The following SOX6 variants were observed in gnomAD, a reference collection of about 807,000 sequenced individuals.
SOX6 encodes the protein SRY-box transcription factor 6.
Under a neutral mutation model 97.8 loss-of-function variants are expected in SOX6, and 11 were observed. The observed-to-expected ratio is 0.11, with a 90% CI of 0.07 to 0.19. The LOEUF (loss-of-function observed/expected upper bound fraction) is 0.19. Among genes scored for constraint, SOX6 ranks in the 10% least tolerant of loss-of-function variants. The pLI, the probability that SOX6 is intolerant of heterozygous loss-of-function variation, is 1.00. For missense variants in SOX6, 810 were observed against 1,039.5 expected (o/e 0.78, Z 3.04); for synonymous variants, 360 against 371.4 (o/e 0.97, Z 0.35).
At chr11:16,206,654 C>T (rs1384014171) in intron 4 of SOX6, among the ~76,000 whole-genome samples, 1 of 152,110 alleles carries the variant, frequency 6.6e-6, no homozygotes, top group Admixed American at 6.5e-5. Context: ...CAGTTGCCTT[C>T]ACATAGTGAG....
At chr11:16,656,045 GA>G (rs2134016594) in intron 3 of SOX6, among the ~76,000 whole-genome samples, 1 of 151,646 alleles carries the variant, frequency 6.6e-6, no homozygotes, top group East Asian at 1.9e-4. Context: ...TGGCATCCAG[GA>G]AAATATATTA....
intron 4 of SOX6, among the ~76,000 whole-genome samples, chr11:16,205,977 T>C (rs1239601444): frequency 6.6e-6 from 1 of 152,162 alleles, no homozygotes; most frequent in African/African-American, 2.4e-5. Context: ...CTCTGCAATA[T>C]TAAAAATGTA....
intron 6 of SOX6, among the ~76,000 whole-genome samples, chr11:16,143,998 G>A (rs553249822): frequency 4.3e-4 from 65 of 152,092 alleles, no homozygotes; most frequent in East Asian, 1.4e-3. Context: ...TGCACCAGGC[G>A]GACCTAATAG....
intron 3 of SOX6, among the ~76,000 whole-genome samples, chr11:16,699,580 T>C (rs1001179557): frequency 1.3e-5 from 2 of 152,166 alleles, no homozygotes; most frequent in African/African-American, 4.8e-5. Context: ...TAATATACAG[T>C]TTATAAATTT....
At chr11:16,733,411 G>A (rs926335302) in intron 2 of SOX6, among the ~76,000 whole-genome samples, 1 of 152,100 alleles carries the variant, frequency 6.6e-6, no homozygotes, top group Admixed American at 6.5e-5. Flanking sequence ...AAAAGGATGA[G>A]TTCAGGTCCT....
At position 15,971,825 on chromosome 11, in the gene SOX6, A is replaced by G. The variant is rs1853322973; in HGVS notation, c.*984T>C. The G allele has an allele frequency of 1.3e-5, 2 of 152,648 alleles. No homozygotes were observed. Among genetic ancestry groups the G allele is most frequent in the African/African-American group, 2.4e-5 (1 of 41,438 alleles). 9.5% of individuals were successfully genotyped at this position (152,648 alleles called of 1,614,324 possible). On this transcript the variant is annotated 3_prime_UTR_variant, in exon 16 of 16. Coordinates refer to ENST00000683767, the MANE Select transcript of SOX6 (RefSeq NM_001367873.1). ...ATTAATGCCACCAACAATTGAAAAA[A>G]AATAAATAGCAAGTGGACCCTTGAC...
At chr11:16,560,750 C>T (rs1409020967) in intron 4 of SOX6, among the ~76,000 whole-genome samples, 11 of 152,102 alleles carry the variant, frequency 7.2e-5, no homozygotes, top group Admixed American at 7.2e-4. Context: ...AGGAAACAAT[C>T]TACCTACAAC....
chr11:15,998,633 T>G (rs1411880569), intron 13 of SOX6, among the ~76,000 whole-genome samples: 1 of 151,716 alleles, frequency 6.6e-6, no homozygotes, highest in Non-Finnish European at 1.5e-5. Context: ...TTGAAGAAAA[T>G]TAGAGGATTC....
chr11:16,034,009 G>A (rs1344117997), intron 12 of SOX6, among the ~76,000 whole-genome samples: 3 of 152,198 alleles, frequency 2.0e-5, no homozygotes, highest in African/African-American at 4.8e-5. Flanking sequence ...TTTTGTAAAT[G>A]TAAGAGCTCA....
chr11:16,644,353 T>A (rs935007313), intron 3 of SOX6, among the ~76,000 whole-genome samples: 2 of 152,156 alleles, frequency 1.3e-5, no homozygotes, highest in African/African-American at 4.8e-5. Context: ...CCAGTCACAA[T>A]CTTTTGATAT....
intron 2 of SOX6, among the ~76,000 whole-genome samples, chr11:16,723,290 A>G (rs1330003582): frequency 6.6e-6 from 1 of 152,162 alleles, no homozygotes; most frequent in African/African-American, 2.4e-5. Context: ...ACTTATGAAC[A>G]CAAAGAAGGA....
chr11:16,163,060 T>C (rs1050119072), intron 6 of SOX6, among the ~76,000 whole-genome samples: 6 of 149,226 alleles, frequency 4.0e-5, no homozygotes, highest in Non-Finnish European at 8.9e-5. Flanking sequence ...AAAGATAGTG[T>C]AAAAAGGGGA....
chr11:16,685,908 C>T (rs961136311), intron 3 of SOX6, among the ~76,000 whole-genome samples: 1 of 152,250 alleles, frequency 6.6e-6, no homozygotes. Context: ...TTGCACTCTG[C>T]GTGCTGACAG....
chr11:16,215,415 C>T (rs1008990096), intron 4 of SOX6, among the ~76,000 whole-genome samples: 2 of 152,148 alleles, frequency 1.3e-5, no homozygotes, highest in Admixed American at 6.5e-5. Flanking sequence ...AAGTTCTATT[C>T]ATGATTCATA....
At chr11:16,472,811 T>A (rs1320720828) in intron 1 of SOX6, among the ~76,000 whole-genome samples, 1 of 152,112 alleles carries the variant, frequency 6.6e-6, no homozygotes, top group Non-Finnish European at 1.5e-5. Context: ...CATTACTTAT[T>A]TCAAATAATT....
intron 1 of SOX6, among the ~76,000 whole-genome samples, chr11:16,390,230 G>A (rs1678243187): frequency 6.9e-6 from 1 of 144,882 alleles, no homozygotes; most frequent in Admixed American, 6.7e-5. Flanking sequence ...GTTGCCCAAA[G>A]TCTGTTGCCT....
intron 1 of SOX6, among the ~76,000 whole-genome samples, chr11:16,475,861 C>A (rs552212947): frequency 3.3e-5 from 5 of 152,148 alleles, no homozygotes; most frequent in African/African-American, 1.2e-4. Context: ...TGTACATTAT[C>A]TCCTCATGTG....
At chr11:16,681,603 T>C (rs1847928404) in intron 3 of SOX6, among the ~76,000 whole-genome samples, 1 of 151,808 alleles carries the variant, frequency 6.6e-6, no homozygotes, top group Non-Finnish European at 1.5e-5. Context: ...AAGAAATAAC[T>C]AAGATCAGAG....
Position 16,517,688 on chromosome 11 carries a change from G to A in SOX6, n.610-41300C>T, listed in dbSNP as rs546794511. On this transcript the variant is annotated intron_variant and non_coding_transcript_variant, in intron 4 of 5. Coordinates refer to the SOX6 transcript ENST00000524520. ...AACCCATGGCCACATCAGATACATG[G>A]GCATCAAAGATCAAGAAAATATAAC... Among the ~76,000 whole-genome samples, 9 of 151,936 alleles carry A rather than the reference G, an allele frequency of 5.9e-5. No individual in the cohort carries two copies. The South Asian group carries it at 1.9e-3, about 32-fold the overall frequency.
Sources: allele counts gnomAD v4.1 joint callset (sites outside exome capture counted in the v4.1 genomes callset), GRCh38; gene constraint gnomAD v4.1.1; transcripts MANE v1.5; gene names NCBI Gene and HGNC (gene_info 2026-07-23, HGNC 2026-07-21).